Variants in PCDH9 observed in about 807,000 individuals in gnomAD.
PCDH9 encodes the protein protocadherin 9, also known as protocadherin-9.
PCDH9 carries 24 observed loss-of-function variants against 70.6 expected under a neutral mutation model. The ratio of observed to expected loss-of-function variants is 0.34; its 90% CI spans 0.25 to 0.48. PCDH9 has a LOEUF of 0.48. Ranked by LOEUF, PCDH9 falls within the 20% of genes least tolerant of loss-of-function variation. PCDH9 has a pLI of 0.99. For synonymous variants in PCDH9, 562 were observed against 558.5 expected, an observed-to-expected ratio of 1.01 and a Z score of -0.09; for missense variants, 1,281 against 1,503.6, an observed-to-expected ratio of 0.85 and a Z score of 2.45.
intron 3 of PCDH9, among the ~76,000 whole-genome samples, chr13:66,736,377 C>A (rs997409988): frequency 5.9e-5 from 9 of 152,150 alleles, no homozygotes; most frequent in Non-Finnish European, 1.0e-4. Context: ...TGCACATTCA[C>A]AGAGGAAAGA....
At chr13:66,860,453 G>C (rs1351031911) in intron 3 of PCDH9, among the ~76,000 whole-genome samples, 2 of 152,174 alleles carry the variant, frequency 1.3e-5, no homozygotes, top group Non-Finnish European at 2.9e-5. Context: ...ATATAAGGAG[G>C]CATTGTGGGA....
intron 3 of PCDH9, among the ~76,000 whole-genome samples, chr13:66,799,855 G>T (rs1248323893): frequency 6.6e-6 from 1 of 152,110 alleles, no homozygotes; most frequent in South Asian, 2.1e-4. Flanking sequence ...CCAGCCATCA[G>T]AGAGTTTTGT....
At chr13:66,809,925 C>A (rs2080474267) in intron 3 of PCDH9, among the ~76,000 whole-genome samples, 1 of 151,772 alleles carries the variant, frequency 6.6e-6, no homozygotes, top group Non-Finnish European at 1.5e-5. Flanking sequence ...CTAAAGAAAG[C>A]AACATTTAAA....
At chr13:66,651,980 C>T (rs1432031034) in intron 3 of PCDH9, among the ~76,000 whole-genome samples, 1 of 151,890 alleles carries the variant, frequency 6.6e-6, no homozygotes, top group East Asian at 1.9e-4. Context: ...TAAAAACACT[C>T]AAAAAACTGG....
intron 4 of PCDH9, among the ~76,000 whole-genome samples, chr13:66,474,051 A>G (rs2138490167): frequency 6.6e-6 from 1 of 152,302 alleles, no homozygotes; most frequent in East Asian, 1.9e-4. Flanking sequence ...GTTTAATGTC[A>G]GCATTTAAGG....
At chr13:66,454,906 G>A (rs1267499302) in intron 4 of PCDH9, among the ~76,000 whole-genome samples, 1 of 151,854 alleles carries the variant, frequency 6.6e-6, no homozygotes, top group Non-Finnish European at 1.5e-5. Context: ...CACCACACCT[G>A]GCAAAAATTA....
At chr13:66,928,688 C>T (rs143970649) in intron 2 of PCDH9, among the ~76,000 whole-genome samples, 2 of 152,182 alleles carry the variant, frequency 1.3e-5, no homozygotes, top group East Asian at 3.9e-4. Flanking sequence ...AGCAAGAAGT[C>T]ACCATGTCTG....
intron 3 of PCDH9, among the ~76,000 whole-genome samples, chr13:66,876,544 G>C (rs1050013464): frequency 1.3e-5 from 2 of 152,134 alleles, no homozygotes; most frequent in African/African-American, 4.8e-5. Flanking sequence ...GGAAATGCCT[G>C]TTTATCCAAT....
At chr13:66,789,990 C>T (rs2080139056) in intron 3 of PCDH9, among the ~76,000 whole-genome samples, 1 of 152,074 alleles carries the variant, frequency 6.6e-6, no homozygotes, top group Non-Finnish European at 1.5e-5. Flanking sequence ...CATCTATCTT[C>T]TAATGCAATA....
intron 2 of PCDH9, among the ~76,000 whole-genome samples, chr13:67,141,568 G>A (rs1193370019): frequency 6.6e-6 from 1 of 151,988 alleles, no homozygotes; most frequent in Non-Finnish European, 1.5e-5. Context: ...AGCCTCCTGA[G>A]TAGCTGGGAT....
chr13:66,411,392 C>A (rs796796610), intron 4 of PCDH9, among the ~76,000 whole-genome samples: 46 of 152,192 alleles, frequency 3.0e-4, no homozygotes, highest in Middle Eastern at 3.4e-3. Context: ...GCTCAAGCAA[C>A]TCTCCCACCT....
At chr13:66,649,476 C>A (rs1223491953) in intron 3 of PCDH9, among the ~76,000 whole-genome samples, 1 of 151,928 alleles carries the variant, frequency 6.6e-6, no homozygotes, top group Non-Finnish European at 1.5e-5. Flanking sequence ...ATCCTTCAAA[C>A]ATGAAGGACA....
rs138761419 is a variant in PCDH9, at chr13:67,009,396, C to G, written c.3037-105791G>C. Among the ~76,000 whole-genome samples the G allele has an allele frequency of 3.2e-3, 490 of 152,158 alleles. 4 individuals carry two copies. Among genetic ancestry groups the G allele is most frequent in the African/African-American group, 0.011 (437 of 41,526 alleles). On this transcript the variant is annotated intron_variant, in intron 2 of 4. Coordinates refer to ENST00000377865, the MANE Select transcript of PCDH9 (RefSeq NM_203487.3). ...AGGTGGGTTTATTGGGAAATTGACA[C>G]AAAAGTTGCAAGTCCCCTCATTTGT...
intron 3 of PCDH9, among the ~76,000 whole-genome samples, chr13:66,879,334 C>T (rs1386115074): frequency 6.6e-6 from 1 of 152,108 alleles, no homozygotes; most frequent in African/African-American, 2.4e-5. Flanking sequence ...CAACTGGCTA[C>T]ATAATTGCTT....
At chr13:66,462,226 A>G (rs114710746) in intron 4 of PCDH9, among the ~76,000 whole-genome samples, 5,045 of 151,910 alleles carry the variant, frequency 0.033, 229 homozygotes, top group African/African-American at 0.1. Flanking sequence ...CAATAATAAG[A>G]CCCAGCCCAG....
chr13:66,695,070 A>AT (rs1593907364), intron 3 of PCDH9, among the ~76,000 whole-genome samples: 1 of 151,820 alleles, frequency 6.6e-6, no homozygotes, highest in African/African-American at 2.4e-5. Flanking sequence ...CGCCCGGCTA[A>AT]TTTTTTGTAT....
chr13:66,398,192 G>A (rs969703994), intron 4 of PCDH9, among the ~76,000 whole-genome samples: 6 of 152,066 alleles, frequency 3.9e-5, no homozygotes, highest in Non-Finnish European at 5.9e-5. Flanking sequence ...AGTGAGAATT[G>A]TAGCTTTAAG....
chr13:66,649,945 C>G (rs1208142651), intron 3 of PCDH9, among the ~76,000 whole-genome samples: 1 of 150,790 alleles, frequency 6.6e-6, no homozygotes, highest in African/African-American at 2.4e-5. Context: ...TTGGAAGCCT[C>G]ATAGTAACCT....
At chr13:66,379,495 T>G (rs1028495787) in intron 4 of PCDH9, among the ~76,000 whole-genome samples, 1 of 152,176 alleles carries the variant, frequency 6.6e-6, no homozygotes. Context: ...GAAAAATGCA[T>G]AGTTATGCTG....
Sources: gnomAD v4.1 joint callset for allele counts (sites outside exome capture counted in the v4.1 genomes callset) on GRCh38, gnomAD v4.1.1 for gene constraint, MANE v1.5 for transcripts, NCBI Gene and HGNC (gene_info 2026-07-23, HGNC 2026-07-21) for gene names.